Variants in GRIA4 observed in about 807,000 individuals in gnomAD.
GRIA4 encodes glutamate ionotropic receptor AMPA type subunit 4.
In GRIA4, 34 loss-of-function variants were observed where a neutral mutation model predicts 104.0. The ratio of observed to expected loss-of-function variants is 0.33; its 90% CI spans 0.25 to 0.44. The LOEUF is 0.44. Ranked by LOEUF, GRIA4 falls within the 20% of genes least tolerant of loss-of-function variation. GRIA4 has a pLI of 1.00. For missense variants in GRIA4, 750 were observed against 1,096.5 expected (o/e 0.68, Z 4.46); for synonymous variants, 386 against 381.9 (o/e 1.01, Z -0.13).
intron 4 of GRIA4, among the ~76,000 whole-genome samples, chr11:105,787,350 A>G (rs1335930264): frequency 1.3e-5 from 2 of 152,184 alleles, no homozygotes; most frequent in Admixed American, 1.3e-4. Flanking sequence ...GACCCTCTGA[A>G]GCATACAGAA....
intron 3 of GRIA4, among the ~76,000 whole-genome samples, chr11:105,672,780 T>C (rs1053107415): frequency 6.6e-6 from 1 of 152,140 alleles, no homozygotes; most frequent in African/African-American, 2.4e-5. Flanking sequence ...ATAATATGTG[T>C]GTGTGTTAAC....
intron 3 of GRIA4, among the ~76,000 whole-genome samples, chr11:105,746,712 T>C (rs1939681644): frequency 6.6e-6 from 1 of 152,136 alleles, no homozygotes; most frequent in Non-Finnish European, 1.5e-5. Flanking sequence ...ATTAGATTTT[T>C]ATAACTGATA....
At chr11:105,870,164 G>A (rs896399769) in intron 5 of GRIA4, among the ~76,000 whole-genome samples, 1 of 151,008 alleles carries the variant, frequency 6.6e-6, no homozygotes, top group African/African-American at 2.4e-5. Flanking sequence ...TATATATATA[G>A]TGTGCATGTG....
chr11:105,884,940 T>A (rs1428596061), intron 5 of GRIA4, among the ~76,000 whole-genome samples: 1 of 151,990 alleles, frequency 6.6e-6, no homozygotes, highest in African/African-American at 2.4e-5. Flanking sequence ...CACAAAGAAA[T>A]CACAAGCTGA....
At chr11:105,612,598 T>C in intron 3 of GRIA4, 164 bp downstream of exon 3, 1 of 461,350 alleles carries the variant, frequency 2.2e-6, no homozygotes. Context: ...GTTTCAGGGA[T>C]ATTTAGTTGT....
chr11:105,653,185 A>G (rs191727084), intron 3 of GRIA4, among the ~76,000 whole-genome samples: 1 of 152,356 alleles, frequency 6.6e-6, no homozygotes, highest in Admixed American at 6.5e-5. Context: ...TCCTGGGATT[A>G]CAGGCGTCAG....
Position 105,627,250 on chromosome 11 carries a change from T to C in GRIA4, c.247+14816T>C, listed in dbSNP as rs545020006. ...AAAAGTGTAAGGTGTATGGATGACATTGGAGAACGATAATGCATCTGGAGA... is the reference window on the plus strand; with the variant it reads ...AAAAGTGTAAGGTGTATGGATGACACTGGAGAACGATAATGCATCTGGAGA... On this transcript the variant is annotated intron_variant, in intron 3 of 16. Transcript: ENST00000282499. 1.4e-4 allele frequency among the ~76,000 whole-genome samples: 22 copies of C among 152,022 alleles called. No homozygotes were observed. The East Asian group carries it at 3.3e-3, about 23-fold the overall frequency.
chr11:105,684,691 A>T lies in GRIA4; in HGVS notation c.248-68290A>T, dbSNP rs1375336428. Among the ~76,000 whole-genome samples the T allele has an allele frequency of 2.0e-5, 3 of 150,038 alleles. No individual in the cohort carries two copies. In the East Asian group the frequency reaches 5.8e-4, roughly 29 times the overall value. On this transcript the variant is annotated intron_variant, in intron 3 of 16. Coordinates refer to ENST00000282499, the MANE Select transcript of GRIA4 (RefSeq NM_000829.4). ...CTTCCTCAATCTTATCTCAGAAGAG[A>T]AGAAAAAGAATTTGATTTAAATAAA... is the stretch of plus-strand genomic sequence containing the variant.
At chr11:105,723,508 A>G (rs1448715454) in intron 3 of GRIA4, among the ~76,000 whole-genome samples, 1 of 152,132 alleles carries the variant, frequency 6.6e-6, no homozygotes, top group African/African-American at 2.4e-5. Flanking sequence ...GACAAATTGG[A>G]GAGTTAGGAT....
intron 5 of GRIA4, among the ~76,000 whole-genome samples, chr11:105,886,470 A>G (rs1412491375): frequency 1.3e-5 from 2 of 151,798 alleles, no homozygotes; most frequent in East Asian, 3.9e-4. Flanking sequence ...GTACCCATTA[A>G]CCATTCCCAC....
chr11:105,753,307 T>A, intron 4 of GRIA4, 87 bp downstream of exon 4: 1 of 1,197,670 alleles, frequency 8.3e-7, no homozygotes, highest in Non-Finnish European at 1.2e-6. Context: ...TAGCAAATTG[T>A]TTGATCTCTA....
chr11:105,785,131 C>G (rs1263554770), intron 4 of GRIA4, among the ~76,000 whole-genome samples: 1 of 152,138 alleles, frequency 6.6e-6, no homozygotes, highest in Non-Finnish European at 1.5e-5. Context: ...CCTCCACAAC[C>G]TAGGTTCTTG....
chr11:105,804,278 T>C (rs1175244567), intron 4 of GRIA4, among the ~76,000 whole-genome samples: 3 of 151,912 alleles, frequency 2.0e-5, no homozygotes, highest in African/African-American at 7.2e-5. Context: ...CTTTTTGTTT[T>C]CCGTAATAAA....
intron 4 of GRIA4, among the ~76,000 whole-genome samples, chr11:105,790,403 T>C (rs1312220509): frequency 6.6e-6 from 1 of 152,152 alleles, no homozygotes; most frequent in Non-Finnish European, 1.5e-5. Context: ...TCACTAGGGG[T>C]ACATGTGTTG....
intron 14 of GRIA4, among the ~76,000 whole-genome samples, chr11:105,948,578 T>C (rs1948375356): frequency 1.4e-5 from 2 of 144,388 alleles, no homozygotes; most frequent in African/African-American, 5.1e-5. Flanking sequence ...TTCTTTCTTT[T>C]CTTTTCTTTT....
chr11:105,827,162 T>C (rs1251937466), intron 4 of GRIA4, among the ~76,000 whole-genome samples: 2 of 152,056 alleles, frequency 1.3e-5, no homozygotes, highest in East Asian at 1.9e-4. Flanking sequence ...TCCTGGCTCC[T>C]GCTCTAAATC....
chr11:105,819,503 A>T (rs1287011347), intron 4 of GRIA4, among the ~76,000 whole-genome samples: 1 of 152,132 alleles, frequency 6.6e-6, no homozygotes, highest in African/African-American at 2.4e-5. Context: ...TGAAAAATAC[A>T]ATCTTAGGTA....
Position 105,895,190 on chromosome 11 carries a change from A to T in GRIA4, c.727-3079A>T, listed in dbSNP as rs146366987. Among the ~76,000 whole-genome samples the T allele has an allele frequency of 2.0e-3, 300 of 152,226 alleles. 1 individual carries two copies. Among genetic ancestry groups the T allele is most frequent in the Non-Finnish European group, 2.9e-3 (194 of 68,012 alleles). ...TGAAGCATATTCACATTTGCAAAAGAACCTTTACTAAATACTAAGAGAAAA... is the reference window on the plus strand; with the variant it reads ...TGAAGCATATTCACATTTGCAAAAGTACCTTTACTAAATACTAAGAGAAAA... On this transcript the variant is annotated intron_variant, in intron 6 of 16. Transcript: ENST00000282499.
intron 4 of GRIA4, among the ~76,000 whole-genome samples, chr11:105,855,105 T>A (rs1206728905): frequency 6.6e-6 from 1 of 152,174 alleles, no homozygotes; most frequent in Non-Finnish European, 1.5e-5. Flanking sequence ...CCTCTGTGCC[T>A]TTGCTTTATG....
Sources: allele counts gnomAD v4.1 joint callset (sites outside exome capture counted in the v4.1 genomes callset), GRCh38; gene constraint gnomAD v4.1.1; transcripts MANE v1.5; gene names NCBI Gene and HGNC (gene_info 2026-07-23, HGNC 2026-07-21).